CLINT1: variants seen among roughly 807,000 people sequenced by gnomAD.
The protein encoded by CLINT1 is clathrin interactor 1, also known as clathrin interacting protein localized in the trans-Golgi region.
In CLINT1, 15 loss-of-function variants were observed where a neutral mutation model predicts 70.4. That is an observed-to-expected ratio of 0.21 (90% CI 0.14 to 0.33). The LOEUF (loss-of-function observed/expected upper bound fraction) is 0.33. CLINT1 is among the 10% of genes least tolerant of loss of function. CLINT1 has a pLI of 1.00. For missense variants in CLINT1, 615 were observed against 778.1 expected, an observed-to-expected ratio of 0.79 and a Z score of 2.49; for synonymous variants, 227 against 254.7, an observed-to-expected ratio of 0.89 and a Z score of 1.04.
chr5:157,859,093 T>C lies in CLINT1; in HGVS notation c.-123A>G. 1 of 1,034,764 alleles carries C rather than the reference T, an allele frequency of 9.7e-7. No individual in the cohort carries two copies. The highest frequency in any genetic ancestry group is 1.4e-6 in the Non-Finnish European group (1 of 715,132). The allele number at this position is 1,034,764 out of a possible 1,614,324, so 64.1% of individuals were successfully genotyped here. On this transcript the variant is annotated 5_prime_UTR_variant, in exon 1 of 12. Coordinates refer to ENST00000411809, the MANE Select transcript of CLINT1 (RefSeq NM_014666.4). ...CGCCCGCCGCCTCGAACTCCCCCAGTCAGCTCCTTCCTTTGCCACAGCAGC... is the reference window on the plus strand; with the variant it reads ...CGCCCGCCGCCTCGAACTCCCCCAGCCAGCTCCTTCCTTTGCCACAGCAGC...
intron 8 of CLINT1, 124 bp downstream of exon 8, chr5:157,803,522 GACTC>G (rs1762291787): frequency 7.1e-6 from 4 of 559,496 alleles, no homozygotes; most frequent in Non-Finnish European, 1.2e-5. Flanking sequence ...TAATGCTCAA[GACTC>G]ACTAATTTCA....
chr5:157,858,724 G>A (rs917670567), intron 1 of CLINT1, among the ~76,000 whole-genome samples: 1 of 151,712 alleles, frequency 6.6e-6, no homozygotes, highest in East Asian at 1.9e-4. Context: ...CCAAGAGGAT[G>A]TTTTTTTTTA....
chr5:157,830,796 C>CTCTCTATATATATATATATA (rs1300619885), intron 1 of CLINT1, among the ~76,000 whole-genome samples: 1 of 85,720 alleles, frequency 1.2e-5, no homozygotes, highest in African/African-American at 5.1e-5. Context: ...CTCTCTCTCT[C>CTCTCTATATATATATATATA]TATATATATA....
chr5:157,813,241 A>G lies in CLINT1; in HGVS notation c.353-14T>C, dbSNP rs771495471. On this transcript the variant is annotated splice_polypyrimidine_tract_variant and intron_variant, in intron 4 of 11. Transcript: ENST00000411809. The stretch of plus-strand genomic sequence containing the variant: ...TACCATGCTCATCTATGAGGATGGT[A>G]AGAGATAAGCAAAACCTAAGAATTC... The G allele has an allele frequency of 6.2e-7, 1 of 1,606,838 alleles. No individual in the cohort carries two copies.
intron 11 of CLINT1, 144 bp downstream of exon 11, chr5:157,789,219 T>C: frequency 1.4e-6 from 1 of 712,414 alleles, no homozygotes; most frequent in Non-Finnish European, 2.5e-6. Context: ...GTAAATATTA[T>C]GTGAAAATAT....
chr5:157,856,557 T>C (rs1241978915), intron 1 of CLINT1, among the ~76,000 whole-genome samples: 1 of 152,210 alleles, frequency 6.6e-6, no homozygotes, highest in Non-Finnish European at 1.5e-5. Context: ...AACCATTCTA[T>C]GGATGCACGT....
intron 1 of CLINT1, among the ~76,000 whole-genome samples, chr5:157,829,207 A>G (rs1414123678): frequency 2.0e-5 from 3 of 152,196 alleles, no homozygotes; most frequent in Non-Finnish European, 4.4e-5. Flanking sequence ...CTCTGCCCCT[A>G]GGCTAGCTGT....
intron 1 of CLINT1, among the ~76,000 whole-genome samples, chr5:157,830,794 CTCTATATA>C (rs1235607392): frequency 2.8e-4 from 30 of 106,726 alleles, no homozygotes; most frequent in Admixed American, 1.7e-3. Context: ...CTCTCTCTCT[CTCTATATA>C]TATATATATA....
chr5:157,821,094 A>C (rs1004876258), intron 1 of CLINT1, among the ~76,000 whole-genome samples: 1 of 152,190 alleles, frequency 6.6e-6, no homozygotes, highest in Non-Finnish European at 1.5e-5. Flanking sequence ...ACCGGCAACC[A>C]TTATTATGAC....
chr5:157,831,683 T>G, intron 1 of CLINT1, among the ~76,000 whole-genome samples: 1 of 146,598 alleles, frequency 6.8e-6, no homozygotes, highest in South Asian at 2.2e-4. Flanking sequence ...GTCCCAAGAG[T>G]GAAAATATCC....
At chr5:157,848,805 G>A (rs1471667604) in intron 1 of CLINT1, among the ~76,000 whole-genome samples, 1 of 152,184 alleles carries the variant, frequency 6.6e-6, no homozygotes, top group Non-Finnish European at 1.5e-5. Flanking sequence ...GGGATCACAG[G>A]CGCCCGCCAC....
rs1581477329 is a variant in CLINT1 at position 157,795,242 on chromosome 5, A to G, written c.1013-270T>C. Reference sequence around the variant, plus strand: ...ATTATCTCACTAATATTTCACAAGCATAATGTGGAAATAATACAACTTATC... The same window carrying G: ...ATTATCTCACTAATATTTCACAAGCGTAATGTGGAAATAATACAACTTATC... On this transcript the variant is annotated intron_variant, in intron 8 of 11. Transcript: ENST00000411809. The G allele has an allele frequency of 1.1e-5, 4 of 370,686 alleles. No individual in the cohort carries two copies. The East Asian group carries it at 1.8e-4, about 17-fold the overall frequency. 23.0% of individuals were successfully genotyped at this position (370,686 alleles called of 1,614,324 possible).
At chr5:157,839,726 T>TCTAC (rs1406115123) in intron 1 of CLINT1, among the ~76,000 whole-genome samples, 1 of 71,536 alleles carries the variant, frequency 1.4e-5, no homozygotes, top group Non-Finnish European at 2.9e-5. Context: ...CAAAAATCTA[T>TCTAC]CTATCTATCT....
chr5:157,813,534 T>C (rs143219237), intron 4 of CLINT1, among the ~76,000 whole-genome samples: 372 of 152,242 alleles, frequency 2.4e-3, no homozygotes, highest in Admixed American at 4.1e-3. Flanking sequence ...CCACACAAAA[T>C]AGACATATCC....
chr5:157,817,645 T>C, intron 1 of CLINT1, 98 bp from the exon 2 acceptor site: 4 of 739,608 alleles, frequency 5.4e-6, no homozygotes, highest in Non-Finnish European at 9.3e-6. Flanking sequence ...GGTGTCCTAA[T>C]GAGCTACCTC....
intron 1 of CLINT1, among the ~76,000 whole-genome samples, chr5:157,843,967 A>G (rs771072523): frequency 4.6e-5 from 7 of 152,156 alleles, no homozygotes; most frequent in Non-Finnish European, 8.8e-5. Flanking sequence ...TCAAAAGTAT[A>G]TAACTGTAAA....
intron 1 of CLINT1, among the ~76,000 whole-genome samples, chr5:157,826,059 G>A (rs943817426): frequency 1.2e-4 from 19 of 152,044 alleles, no homozygotes; most frequent in African/African-American, 4.6e-4. Context: ...TTCAGTTTGA[G>A]GAAGAAGGGA....
intron 8 of CLINT1, among the ~76,000 whole-genome samples, chr5:157,797,090 T>G (rs1762091283): frequency 6.6e-6 from 1 of 152,186 alleles, no homozygotes; most frequent in Non-Finnish European, 1.5e-5. Context: ...TTCAATGAGT[T>G]ATACATGTTT....
intron 1 of CLINT1, among the ~76,000 whole-genome samples, chr5:157,838,122 G>GT (rs199515235): frequency 0.22 from 28,504 of 129,902 alleles, 3,396 homozygotes; most frequent in Non-Finnish European, 0.26. Context: ...AGGTTTTTTT[G>GT]TTTTTTTTTT....
Sources: gnomAD v4.1 joint callset for allele counts (sites outside exome capture counted in the v4.1 genomes callset) on GRCh38, gnomAD v4.1.1 for gene constraint, MANE v1.5 for transcripts, NCBI Gene and HGNC (gene_info 2026-07-23, HGNC 2026-07-21) for gene names.